Variants in SIPA1L1 observed in about 807,000 individuals in gnomAD.
SIPA1L1 encodes signal-induced proliferation-associated 1-like protein 1.
In SIPA1L1, 26 loss-of-function variants were observed where a neutral mutation model predicts 162.7. That is an observed-to-expected ratio of 0.16 (90% CI 0.12 to 0.22). The LOEUF (loss-of-function observed/expected upper bound fraction) is 0.22, where lower values mean the gene tolerates loss of function less well. Ranked by LOEUF, SIPA1L1 falls within the 10% of genes least tolerant of loss-of-function variation. The pLI is 1.00. For missense variants in SIPA1L1, 1,874 were observed against 2,241.0 expected (o/e 0.84, Z 3.31); for synonymous variants, 829 against 837.4 (o/e 0.99, Z 0.17).
At chr14:71,467,811 T>C (rs564716186) in intron 2 of SIPA1L1, among the ~76,000 whole-genome samples, 12 of 149,924 alleles carry the variant, frequency 8.0e-5, no homozygotes, top group African/African-American at 2.7e-4. Context: ...AGGCCAGCAG[T>C]TCAGGACCAA....
chr14:71,589,990 TC>T (rs2035060257), intron 5 of SIPA1L1, among the ~76,000 whole-genome samples: 1 of 138,706 alleles, frequency 7.2e-6, no homozygotes, highest in Admixed American at 7.6e-5. Context: ...AAGGGCCACT[TC>T]CTTTCTAATC....
At chr14:71,421,701 C>CT (rs1175715308) in intron 2 of SIPA1L1, among the ~76,000 whole-genome samples, 1 of 152,198 alleles carries the variant, frequency 6.6e-6, no homozygotes, top group African/African-American at 2.4e-5. Flanking sequence ...CCCTCCCTCC[C>CT]TTTCTTCCTT....
intron 17 of SIPA1L1, 93 bp downstream of exon 17, chr14:71,709,757 G>A: frequency 9.6e-7 from 1 of 1,042,020 alleles, no homozygotes; most frequent in Admixed American, 2.8e-5. Flanking sequence ...TAGTGTATAA[G>A]GAAAGGAGGT....
intron 2 of SIPA1L1, among the ~76,000 whole-genome samples, chr14:71,435,772 A>G (rs1425056327): frequency 6.6e-6 from 1 of 152,194 alleles, no homozygotes; most frequent in Non-Finnish European, 1.5e-5. Context: ...CAATGGTTGA[A>G]CTAGTTTACA....
intron 2 of SIPA1L1, among the ~76,000 whole-genome samples, chr14:71,462,972 A>T (rs762855084): frequency 2.0e-5 from 3 of 152,206 alleles, no homozygotes; most frequent in Non-Finnish European, 4.4e-5. Context: ...ACCAGGAGAT[A>T]TGTTAATTTG....
chr14:71,611,383 TTTTAATTTAA>T (rs201662090), intron 5 of SIPA1L1, among the ~76,000 whole-genome samples: 10 of 152,302 alleles, frequency 6.6e-5, no homozygotes, highest in Admixed American at 2.6e-4. Flanking sequence ...CTAGTTGTTA[TTTTAATTTAA>T]TTTAATTTAA....
At chr14:71,599,889 T>A (rs1012336669) in intron 5 of SIPA1L1, among the ~76,000 whole-genome samples, 13 of 152,198 alleles carry the variant, frequency 8.5e-5, no homozygotes, top group Non-Finnish European at 1.6e-4. Flanking sequence ...CATTTTTTTT[T>A]ATATACCTAT....
At chr14:71,559,328 A>G (rs1221067474) in intron 4 of SIPA1L1, among the ~76,000 whole-genome samples, 4 of 152,140 alleles carry the variant, frequency 2.6e-5, no homozygotes, top group African/African-American at 9.7e-5. Flanking sequence ...TCGGCCTCCC[A>G]AAGTGCTGAG....
intron 3 of SIPA1L1, among the ~76,000 whole-genome samples, chr14:71,517,010 T>A (rs2051804870): frequency 6.6e-6 from 1 of 152,122 alleles, no homozygotes; most frequent in African/African-American, 2.4e-5. Flanking sequence ...TTTTTTCTTT[T>A]AAAAAACCAC....
chr14:71,459,608 G>A (rs147680332), intron 2 of SIPA1L1, among the ~76,000 whole-genome samples: 210 of 152,306 alleles, frequency 1.4e-3, no homozygotes, highest in Non-Finnish European at 2.5e-3. Flanking sequence ...TTCAAGGGCA[G>A]GAAGCGTCCA....
chr14:71,657,605 T>TA (rs1214896949), intron 8 of SIPA1L1, among the ~76,000 whole-genome samples: 3 of 151,912 alleles, frequency 2.0e-5, no homozygotes, highest in Non-Finnish European at 4.4e-5. Context: ...GCTTAAGTCT[T>TA]AAAAAAATTG....
At chr14:71,614,339 T>C (rs1017900468) in intron 5 of SIPA1L1, among the ~76,000 whole-genome samples, 4 of 152,206 alleles carry the variant, frequency 2.6e-5, no homozygotes, top group Non-Finnish European at 2.9e-5. Context: ...AATAAACTTA[T>C]GTTCATATGG....
chr14:71,382,113 T>C (rs982709895), intron 2 of SIPA1L1, among the ~76,000 whole-genome samples: 1 of 152,218 alleles, frequency 6.6e-6, no homozygotes, highest in African/African-American at 2.4e-5. Flanking sequence ...TTTTTTCTGC[T>C]AATTAAAGTT....
At chr14:71,363,940 T>A (rs1475966217) in intron 2 of SIPA1L1, among the ~76,000 whole-genome samples, 1 of 152,176 alleles carries the variant, frequency 6.6e-6, no homozygotes, top group Non-Finnish European at 1.5e-5. Context: ...CCTGTTTCCC[T>A]TGCTAGAACA....
intron 2 of SIPA1L1, among the ~76,000 whole-genome samples, chr14:71,378,641 A>G (rs2039623422): frequency 6.6e-6 from 1 of 152,038 alleles, no homozygotes; most frequent in Non-Finnish European, 1.5e-5. Context: ...GTGAATGTTA[A>G]TTAGGTTGAT....
At chr14:71,420,874 C>T (rs1453066195) in intron 2 of SIPA1L1, among the ~76,000 whole-genome samples, 1 of 152,174 alleles carries the variant, frequency 6.6e-6, no homozygotes, top group Non-Finnish European at 1.5e-5. Flanking sequence ...TCTAGCTAGT[C>T]GTGTAAGCCC....
chr14:71,417,500 A>C (rs865783236), intron 2 of SIPA1L1, among the ~76,000 whole-genome samples: 5 of 146,518 alleles, frequency 3.4e-5, no homozygotes, highest in African/African-American at 1.2e-4. Flanking sequence ...AAAAAAAAAA[A>C]AAAGAAAATC....
intron 4 of SIPA1L1, among the ~76,000 whole-genome samples, chr14:71,576,363 G>A (rs1473048731): frequency 6.6e-6 from 1 of 152,216 alleles, no homozygotes; most frequent in Non-Finnish European, 1.5e-5. Flanking sequence ...TAGCGAGTTA[G>A]TGAGATAATG....
At chr14:71,470,919 G>A (rs2047401738) in intron 2 of SIPA1L1, among the ~76,000 whole-genome samples, 1 of 151,936 alleles carries the variant, frequency 6.6e-6, no homozygotes, top group Admixed American at 6.6e-5. Context: ...CTTGCTGCAA[G>A]CTCCGCCTCC....
Sources: allele counts gnomAD v4.1 joint callset (sites outside exome capture counted in the v4.1 genomes callset), GRCh38; gene constraint gnomAD v4.1.1; transcripts MANE v1.5; gene names NCBI Gene and HGNC (gene_info 2026-07-23, HGNC 2026-07-21).